Variants in XPOT observed in about 807,000 individuals in gnomAD.
XPOT encodes the protein exportin-T.
Under a neutral mutation model 128.2 loss-of-function variants are expected in XPOT, and 34 were observed. The observed-to-expected ratio is 0.27, with a 90% CI of 0.20 to 0.35. The LOEUF is 0.35. Ranked by LOEUF, XPOT falls within the 10% of genes least tolerant of loss-of-function variation. The pLI is 1.00. For missense variants in XPOT, 838 were observed against 1,125.3 expected, an observed-to-expected ratio of 0.74 and a Z score of 3.65; for synonymous variants, 348 against 394.3, an observed-to-expected ratio of 0.88 and a Z score of 1.39.
At chr12:64,408,355 G>T (rs1302719014) in intron 1 of XPOT, among the ~76,000 whole-genome samples, 1 of 152,076 alleles carries the variant, frequency 6.6e-6, no homozygotes, top group Non-Finnish European at 1.5e-5. Context: ...TGATCCACCT[G>T]CCTCGGCCTC....
intron 2 of XPOT, among the ~76,000 whole-genome samples, chr12:64,414,421 C>A (rs1400994354): frequency 6.6e-6 from 1 of 152,182 alleles, no homozygotes; most frequent in Non-Finnish European, 1.5e-5. Flanking sequence ...GAAATACTCT[C>A]CTGTGTAACA....
intron 9 of XPOT, among the ~76,000 whole-genome samples, chr12:64,422,707 T>G (rs1212798206): frequency 6.6e-6 from 1 of 152,114 alleles, no homozygotes; most frequent in Admixed American, 6.5e-5. Context: ...GAGACCAGCC[T>G]GGGCAACATA....
At chr12:64,418,760 A>G (rs1245925658) in intron 5 of XPOT, 116 bp from the exon 6 acceptor site, 1 of 782,030 alleles carries the variant, frequency 1.3e-6, no homozygotes, top group Non-Finnish European at 2.1e-6. Flanking sequence ...TTTGTTGCAT[A>G]GTTTATCTGG....
At chr12:64,425,687 C>G (rs13377663) in intron 14 of XPOT, 128 bp from the exon 15 acceptor site, 1 of 1,014,450 alleles carries the variant, frequency 9.9e-7, no homozygotes. Flanking sequence ...TAGAATTACT[C>G]GTATATTCCT....
chr12:64,446,260 T>C (rs1334399045), intron 24 of XPOT, among the ~76,000 whole-genome samples: 3 of 152,244 alleles, frequency 2.0e-5, no homozygotes, highest in African/African-American at 7.2e-5. Flanking sequence ...TGTGGTTATT[T>C]ATCTGCATAG....
At position 64,448,205 on chromosome 12, in the gene XPOT, C is replaced by T; in HGVS notation, c.*74C>T. On this transcript the variant is annotated 3_prime_UTR_variant, in exon 25 of 25. Transcript: ENST00000332707. ...TTATAAAGAGGCGATTTTTGTGTGC[C>T]ATTCACACTGGTCTTTTTCACATTG... is the stretch of plus-strand genomic sequence containing the variant. The T allele has an allele frequency of 7.2e-7, 1 of 1,384,312 alleles. No individual in the cohort carries two copies. Among genetic ancestry groups the T allele is most frequent in the Non-Finnish European group, 1.0e-6 (1 of 971,612 alleles). The allele number at this position is 1,384,312 out of a possible 1,614,324, so 85.8% of individuals were successfully genotyped here. A position where few individuals can be genotyped will look rare whatever the true frequency, so the allele number is the denominator to read the frequency against.
chr12:64,408,039 T>A (rs2136007960), intron 1 of XPOT, among the ~76,000 whole-genome samples: 1 of 152,230 alleles, frequency 6.6e-6, no homozygotes, highest in Admixed American at 6.5e-5. Flanking sequence ...AAGGCTTTTC[T>A]CCCCTACCCC....
chr12:64,438,658 C>T (rs1348970181), intron 22 of XPOT, among the ~76,000 whole-genome samples: 1 of 149,676 alleles, frequency 6.7e-6, no homozygotes, highest in African/African-American at 2.5e-5. Context: ...GACAGAGTCT[C>T]GCTCTGTCAC....
At chr12:64,410,476 T>C (rs918307608) in intron 2 of XPOT, among the ~76,000 whole-genome samples, 2 of 152,162 alleles carry the variant, frequency 1.3e-5, no homozygotes, top group African/African-American at 4.8e-5. Context: ...CTTACCTTAA[T>C]GATTTTTTTT....
intron 11 of XPOT, among the ~76,000 whole-genome samples, chr12:64,423,970 A>G (rs2040167330): frequency 6.6e-6 from 1 of 152,254 alleles, no homozygotes; most frequent in East Asian, 1.9e-4. Flanking sequence ...AACAAGGGCC[A>G]TTGGTGCTTT....
At chr12:64,404,950 C>T (rs1042665277) in intron 1 of XPOT, 146 bp downstream of exon 1, 2 of 151,848 alleles carry the variant, frequency 1.3e-5, no homozygotes, top group Non-Finnish European at 2.9e-5. Context: ...GGTGCACCCC[C>T]TGGCTGGGCG....
intron 11 of XPOT, 38 bp downstream of exon 11, chr12:64,423,282 A>G (rs2040158225): frequency 3.8e-6 from 5 of 1,299,784 alleles, no homozygotes; most frequent in Non-Finnish European, 5.3e-6. Context: ...AGGAGTTTTA[A>G]TTTTATTATT....
intron 2 of XPOT, among the ~76,000 whole-genome samples, chr12:64,413,093 A>T (rs907541416): frequency 4.6e-5 from 7 of 152,086 alleles, no homozygotes; most frequent in Admixed American, 4.6e-4. Flanking sequence ...TAAAAGTTTC[A>T]ACACTCTAAT....
At chr12:64,434,472 T>C (rs765584551) in intron 19 of XPOT, 35 bp from the exon 20 acceptor site, 8 of 1,494,136 alleles carry the variant, frequency 5.4e-6, no homozygotes, top group Non-Finnish European at 7.4e-6. Flanking sequence ...TAGTTAATTT[T>C]GGAAATTGCT....
chr12:64,416,455 A>G (rs186479587), intron 3 of XPOT, among the ~76,000 whole-genome samples: 2 of 152,316 alleles, frequency 1.3e-5, no homozygotes, highest in East Asian at 3.9e-4. Context: ...GTGCATCTTA[A>G]TATCTTGGTT....
In XPOT at chr12:64,439,202, T is replaced by C. The variant is rs756422248; in HGVS notation, c.2734-42T>C. The stretch of plus-strand genomic sequence containing the variant: ...TTCCGATTCTTTTTAAGCTTATTAA[T>C]GTCAAGCAAGAAAATAGTTGTAAGT... On this transcript the variant is annotated intron_variant, in intron 22 of 24. Transcript: ENST00000332707. 5.1e-6 allele frequency: 8 copies of C among 1,569,082 alleles called. No individual in the cohort carries two copies. The Admixed American group carries it at 1.3e-4, about 26-fold the overall frequency.
chr12:64,429,205 A>C (rs1592334604), intron 16 of XPOT, among the ~76,000 whole-genome samples: 2 of 152,304 alleles, frequency 1.3e-5, no homozygotes, highest in East Asian at 1.9e-4. Context: ...CTGATGTTCA[A>C]GGCCGCAGAA....
At chr12:64,443,813 C>T (rs1350967187) in intron 23 of XPOT, among the ~76,000 whole-genome samples, 1 of 152,116 alleles carries the variant, frequency 6.6e-6, no homozygotes, top group African/African-American at 2.4e-5. Context: ...AAAGATTTCA[C>T]ATGAGTTTAA....
intron 23 of XPOT, among the ~76,000 whole-genome samples, chr12:64,444,630 C>T (rs2040353556): frequency 1.3e-5 from 2 of 151,950 alleles, no homozygotes; most frequent in Non-Finnish European, 2.9e-5. Flanking sequence ...TGGTGGTTGC[C>T]AGGGGCTGGA....
Sources: gnomAD v4.1 joint callset for allele counts (sites outside exome capture counted in the v4.1 genomes callset) on GRCh38, gnomAD v4.1.1 for gene constraint, MANE v1.5 for transcripts, NCBI Gene and HGNC (gene_info 2026-07-23, HGNC 2026-07-21) for gene names.